The following ORC1 variants were observed in gnomAD, a reference collection of about 807,000 sequenced individuals.
ORC1 encodes origin recognition complex, subunit 1 homolog.
A neutral mutation model predicts 98.9 loss-of-function variants in ORC1; 61 were observed. The observed-to-expected ratio is 0.62, with a 90% confidence interval of 0.50 to 0.76. ORC1 has a LOEUF of 0.76. Among genes scored for constraint, ORC1 ranks in the 30% least tolerant of loss-of-function variants. The pLI, the probability that ORC1 is intolerant of heterozygous loss-of-function variation, is 0.00. For synonymous variants in ORC1, 385 were observed against 406.9 expected (o/e 0.95, Z 0.65); for missense variants, 979 against 1,072.2 (o/e 0.91, Z 1.21).
chr1:52,385,170 T>G lies in ORC1; in HGVS notation c.1574A>C (p.His525Pro). The G allele has an allele frequency of 1.9e-6, 3 of 1,609,610 alleles. 1 individual carries two copies. The highest frequency in any genetic ancestry group is 3.3e-4 in the Middle Eastern group (2 of 6,052). The change falls in exon 10 of 17, where the codon CAT becomes CCT. Residue 525 changes from histidine to proline, a missense_variant. Coordinates refer to ENST00000371568, the MANE Select transcript of ORC1 (RefSeq NM_004153.4). ...YNFVESKLLD[H>P]TGGCMYISGV... Reference sequence around the variant, plus strand: ...GCCTCACATGACTCACCCTCCGGTATGGTCAAGGAGTTTGCTTTCCACAAA... The same window carrying G: ...GCCTCACATGACTCACCCTCCGGTAGGGTCAAGGAGTTTGCTTTCCACAAA...
chr1:52,398,188 T>C (rs1224253617), intron 3 of ORC1, among the ~76,000 whole-genome samples: 1 of 152,046 alleles, frequency 6.6e-6, no homozygotes. Flanking sequence ...GGTCTCAAAC[T>C]CGTGACCTCA....
chr1:52,405,434 T>C (rs145376841), upstream of ORC1, among the ~76,000 whole-genome samples: 1 of 152,384 alleles, frequency 6.6e-6, no homozygotes, highest in African/African-American at 2.4e-5. Flanking sequence ...AGAACATTGC[T>C]AGAACTTTCT....
chr1:52,396,240 A>T lies in ORC1; in HGVS notation c.527T>A (p.Leu176Ter). The T allele has an allele frequency of 6.2e-7, 1 of 1,614,148 alleles. No individual in the cohort carries two copies. The highest frequency in any genetic ancestry group is 2.2e-5 in the East Asian group (1 of 44,876). ...GGCTGCACTCTCTTGTGGTTTATTC[A>T]ACTCCGCAAATAGTTCTGAGGAAAG... ...RPLSSELFAE[L>*]NKPQESAAKC... is the part of the protein sequence containing the mutation. The change falls in exon 5 of 17, where the codon TTG (leucine) becomes TAG (stop). Residue 176 changes from leucine (L) to a stop codon, truncating the protein, a stop_gained. Coordinates refer to ENST00000371568, the MANE Select transcript of ORC1 (RefSeq NM_004153.4). LOFTEE classifies it high-confidence loss of function.
chr1:52,383,349 CA>C, intron 13 of ORC1, 70 bp downstream of exon 13: 4 of 1,588,152 alleles, frequency 2.5e-6, no homozygotes, highest in Non-Finnish European at 3.5e-6. Context: ...ACACCTGGAC[CA>C]TTTTTGCAGA....
At chr1:52,383,744 G>A (rs1569920977) in intron 12 of ORC1, 86 bp downstream of exon 12, 2 of 1,330,160 alleles carry the variant, frequency 1.5e-6, no homozygotes, top group East Asian at 2.3e-5. Context: ...ATGGAGAAGG[G>A]AGCCAGGACT....
chr1:52,407,897 A>T (rs539379976), upstream of ORC1, among the ~76,000 whole-genome samples: 27 of 152,382 alleles, frequency 1.8e-4, no homozygotes, highest in African/African-American at 6.0e-4. Context: ...CCTACTAAAA[A>T]TACAAAAATT....
chr1:52,406,027 T>C (rs1647979171), upstream of ORC1, among the ~76,000 whole-genome samples: 2 of 152,206 alleles, frequency 1.3e-5, no homozygotes, highest in African/African-American at 2.4e-5. Flanking sequence ...CTCTCTGTGT[T>C]GCCCAGGCTG....
Position 52,388,441 on chromosome 1 carries a change from C to T in ORC1, c.1383+1G>A. On this transcript the variant is annotated splice_donor_variant, in intron 8 of 16. Coordinates refer to ENST00000371568, the MANE Select transcript of ORC1 (RefSeq NM_004153.4). LOFTEE classifies it high-confidence loss of function. ...GGGAAGTAAACCTAGAAGAACCTTA[C>T]ACTCTTCTTTGGCACCTTCGTGAGG... The T allele has an allele frequency of 6.2e-7, 1 of 1,612,240 alleles. No homozygotes were observed. The highest frequency in any genetic ancestry group is 8.5e-7 in the Non-Finnish European group (1 of 1,178,274).
chr1:52,387,482 G>C lies in ORC1; in HGVS notation c.1383+960C>G, dbSNP rs1013413691. On this transcript the variant is annotated intron_variant, in intron 8 of 16. Coordinates refer to ENST00000371568, the MANE Select transcript of ORC1 (RefSeq NM_004153.4). ...GAGACTTTTCTTTTTTCTTGAGATA[G>C]AGTCTCACTCTGTCGCCCAGGCTAG... Among the ~76,000 whole-genome samples, 4 of 148,658 alleles carry C rather than the reference G, an allele frequency of 2.7e-5. No individual in the cohort carries two copies. The East Asian group carries it at 7.7e-4, about 29-fold the overall frequency.
chr1:52,382,859 C>T (rs367830722), intron 13 of ORC1, among the ~76,000 whole-genome samples: 9 of 151,888 alleles, frequency 5.9e-5, no homozygotes, highest in South Asian at 4.2e-4. Flanking sequence ...GGATTACAGG[C>T]GTGAGCCACT....
chr1:52,377,131 T>A (rs1289939073), intron 14 of ORC1, among the ~76,000 whole-genome samples: 2 of 152,150 alleles, frequency 1.3e-5, no homozygotes, highest in South Asian at 2.1e-4. Context: ...CAAGCGATTC[T>A]CCTGCCTCAG....
intron 14 of ORC1, among the ~76,000 whole-genome samples, chr1:52,378,048 T>TAA (rs571465726): frequency 6.6e-6 from 1 of 152,028 alleles, no homozygotes; most frequent in African/African-American, 2.4e-5. Flanking sequence ...GAATCTTTGT[T>TAA]AAAAAAACCG....
At chr1:52,401,834 T>C (rs1452301566) in intron 2 of ORC1, among the ~76,000 whole-genome samples, 1 of 152,160 alleles carries the variant, frequency 6.6e-6, no homozygotes, top group African/African-American at 2.4e-5. Context: ...GGGAAAGACA[T>C]AGTAAAAACA....
intron 3 of ORC1, among the ~76,000 whole-genome samples, chr1:52,400,256 C>T (rs1266608339): frequency 6.6e-6 from 1 of 152,212 alleles, no homozygotes; most frequent in Admixed American, 6.5e-5. Context: ...CTGCCACTAA[C>T]CCTGTATATG....
upstream of ORC1, among the ~76,000 whole-genome samples, chr1:52,407,146 T>C (rs910391754): frequency 3.9e-5 from 6 of 152,074 alleles, no homozygotes; most frequent in African/African-American, 1.4e-4. Flanking sequence ...GCCTCCCAAG[T>C]AGCTGGGACT....
At chr1:52,373,994 T>C (rs1443641003) in intron 16 of ORC1, among the ~76,000 whole-genome samples, 1 of 152,210 alleles carries the variant, frequency 6.6e-6, no homozygotes, top group Non-Finnish European at 1.5e-5. Context: ...ATTCTAAATA[T>C]CTATGAGTCT....
intron 1 of ORC1, among the ~76,000 whole-genome samples, chr1:52,402,840 T>C (rs1647784944): frequency 6.6e-6 from 1 of 152,044 alleles, no homozygotes; most frequent in African/African-American, 2.4e-5. Context: ...GAGGCTGCAG[T>C]GAGCCGAGAT....
At chr1:52,405,684 A>G (rs1352634591), upstream of ORC1, 2 of 1,612,722 alleles carry the variant, frequency 1.2e-6, no homozygotes, top group Non-Finnish European at 1.7e-6. Flanking sequence ...TTTTAGCTGA[A>G]CTTGTAGTCG....
At chr1:52,378,942 A>G (rs1647028329) in intron 14 of ORC1, among the ~76,000 whole-genome samples, 1 of 151,634 alleles carries the variant, frequency 6.6e-6, no homozygotes. Context: ...CTGAGGCAGG[A>G]GAATGGCATG....
Sources: allele counts gnomAD v4.1 joint callset (sites outside exome capture counted in the v4.1 genomes callset), GRCh38; gene constraint gnomAD v4.1.1; transcripts MANE v1.5; gene names NCBI Gene and HGNC (gene_info 2026-07-23, HGNC 2026-07-21).